Variants in TTLL5 observed in about 807,000 individuals in gnomAD.
TTLL5 encodes tubulin polyglutamylase TTLL5.
In TTLL5, 132 loss-of-function variants were observed where a neutral mutation model predicts 168.4. That is an observed-to-expected ratio of 0.78 (90% CI 0.68 to 0.91). The LOEUF is 0.91. TTLL5 is among the 40% of genes least tolerant of loss of function. The probability of loss-of-function intolerance (pLI) is 0.00; values close to 1 mark genes in which losing one functional copy is unlikely to be tolerated. For missense variants in TTLL5, 1,545 were observed against 1,581.5 expected (o/e 0.98, Z 0.39); for synonymous variants, 546 against 558.6 (o/e 0.98, Z 0.32).
At position 75,868,003 on chromosome 14, in the gene TTLL5, A is replaced by C. The variant is rs140480419; in HGVS notation, c.3522+4141A>C. 3.6e-3 allele frequency among the ~76,000 whole-genome samples: 548 copies of C among 152,308 alleles called. 6 individuals are homozygous for C. The highest frequency in any genetic ancestry group is 0.013 in the African/African-American group (525 of 41,570). On this transcript the variant is annotated intron_variant, in intron 29 of 31. Transcript: ENST00000298832. ...GACTACTGGTGACATCAGCATGAGT[A>C]GCTCTCCATGCTGGGGTCTGTGAGG...
At chr14:75,797,619 A>G (rs762668675) in intron 27 of TTLL5, among the ~76,000 whole-genome samples, 1 of 152,104 alleles carries the variant, frequency 6.6e-6, no homozygotes, top group Non-Finnish European at 1.5e-5. Flanking sequence ...GGTTTTAATC[A>G]TGAAGAGATG....
chr14:75,859,266 T>C (rs951704392), intron 28 of TTLL5, among the ~76,000 whole-genome samples: 5 of 152,216 alleles, frequency 3.3e-5, no homozygotes, highest in African/African-American at 7.2e-5. Context: ...AGCTCTTCAA[T>C]GTTTATTGGC....
At chr14:75,795,600 C>T (rs1262517811) in intron 27 of TTLL5, among the ~76,000 whole-genome samples, 3 of 152,100 alleles carry the variant, frequency 2.0e-5, no homozygotes, top group Admixed American at 1.3e-4. Context: ...CCCAAGTCCC[C>T]AAAGTCCATT....
rs770824903 is a variant in TTLL5, at chr14:75,863,753, A to G, written c.3413A>G (p.Lys1138Arg). 2 of 1,613,714 alleles carry G rather than the reference A, an allele frequency of 1.2e-6. No individual in the cohort carries two copies. Among genetic ancestry groups the G allele is most frequent in the African/African-American group, 2.7e-5 (2 of 74,828 alleles). ...SQATGVVPQH[K>R]YHPTAGSYQL... ...GCTACAGGGGTGGTCCCCCAGCACA[A>G]GTATCACCCCACAGCAGGCAGCTAT... Residue 1138 changes from lysine (K) to arginine (R), a missense_variant, in exon 29 of 32, where the codon AAG becomes AGG. Lys to Arg is a conservative substitution (Grantham distance 26, BLOSUM62 2). Coordinates refer to ENST00000298832, the MANE Select transcript of TTLL5 (RefSeq NM_015072.5).
At chr14:75,672,850 C>T (rs1389726895) in intron 3 of TTLL5, among the ~76,000 whole-genome samples, 3 of 152,122 alleles carry the variant, frequency 2.0e-5, no homozygotes, top group Admixed American at 2.0e-4. Context: ...GTAATAATGT[C>T]CCCACTTTCA....
In TTLL5 at chr14:75,815,554, CTT is replaced by C. The variant is rs367890384; in HGVS notation, c.3172-4451_3172-4450del. Among the ~76,000 whole-genome samples the C allele has an allele frequency of 5.3e-5, 8 of 152,240 alleles. No individual in the cohort carries two copies. In the East Asian group the frequency reaches 1.4e-3, roughly 26 times the overall value. The stretch of plus-strand genomic sequence containing the variant: ...AACAAAACTGGCCGAGGATGTTTTT[CTT>C]TGTTTTACTTCTTTAATGTCTTCTG... On this transcript the variant is annotated intron_variant, in intron 27 of 31. Coordinates refer to ENST00000298832, the MANE Select transcript of TTLL5 (RefSeq NM_015072.5).
intron 3 of TTLL5, among the ~76,000 whole-genome samples, chr14:75,673,133 A>T (rs1207362024): frequency 4.6e-5 from 7 of 151,074 alleles, no homozygotes; most frequent in Admixed American, 2.0e-4. Context: ...TTTTGTAGAG[A>T]TGGGGGGGTC....
intron 10 of TTLL5, 47 bp from the exon 11 acceptor site, chr14:75,719,688 G>T (rs375440036): frequency 4.7e-5 from 70 of 1,502,622 alleles, no homozygotes; most frequent in South Asian, 1.6e-4. Flanking sequence ...TGTTATTATA[G>T]CCAAGCCTAG....
intron 31 of TTLL5, among the ~76,000 whole-genome samples, chr14:75,919,617 A>G (rs1322580574): frequency 1.3e-5 from 2 of 152,194 alleles, no homozygotes; most frequent in African/African-American, 4.8e-5. Flanking sequence ...CATCTACACA[A>G]ATATTAACCA....
At chr14:75,828,555 G>A (rs1895369018) in intron 28 of TTLL5, among the ~76,000 whole-genome samples, 1 of 152,106 alleles carries the variant, frequency 6.6e-6, no homozygotes, top group African/African-American at 2.4e-5. Context: ...TAGGCTATTA[G>A]TAGTTGAGTT....
At chr14:75,919,122 A>C (rs1457168206) in intron 31 of TTLL5, among the ~76,000 whole-genome samples, 2 of 144,506 alleles carry the variant, frequency 1.4e-5, no homozygotes, top group Non-Finnish European at 3.0e-5. Flanking sequence ...AATTGCTTCA[A>C]CCAGGGAGTC....
At chr14:75,795,783 C>G (rs1004108986) in intron 27 of TTLL5, among the ~76,000 whole-genome samples, 8 of 152,082 alleles carry the variant, frequency 5.3e-5, no homozygotes, top group Non-Finnish European at 5.9e-5. Context: ...GAGTAGTAGT[C>G]CATGGTGTAT....
rs1228736529 is a variant in TTLL5, at chr14:75,742,471, G to C, written c.1282-2624G>C. Among the ~76,000 whole-genome samples the C allele has an allele frequency of 2.6e-5, 4 of 152,232 alleles. No individual in the cohort carries two copies. The East Asian group carries it at 7.7e-4, about 29-fold the overall frequency. ...AGTGCAATGGGGCAATCTTGGCTCA[G>C]TGCAACTTCCGCTTCCAGGGTCCAA... On this transcript the variant is annotated intron_variant, in intron 15 of 31. Coordinates refer to ENST00000298832, the MANE Select transcript of TTLL5 (RefSeq NM_015072.5).
At chr14:75,878,271 A>T (rs1348475027) in intron 29 of TTLL5, among the ~76,000 whole-genome samples, 1 of 152,222 alleles carries the variant, frequency 6.6e-6, no homozygotes, top group African/African-American at 2.4e-5. Context: ...TTAAGTTAAA[A>T]GGGTTTTTTT....
intron 28 of TTLL5, among the ~76,000 whole-genome samples, chr14:75,829,227 A>G (rs978620891): frequency 6.6e-6 from 1 of 152,232 alleles, no homozygotes; most frequent in African/African-American, 2.4e-5. Flanking sequence ...CAACAGGCTG[A>G]TATTCATCAC....
intron 30 of TTLL5, among the ~76,000 whole-genome samples, chr14:75,890,507 T>A (rs1038899022): frequency 6.6e-6 from 1 of 152,140 alleles, no homozygotes; most frequent in African/African-American, 2.4e-5. Context: ...TGTACAATTT[T>A]AAAAACTAGA....
intron 31 of TTLL5, among the ~76,000 whole-genome samples, chr14:75,947,074 T>C (rs1259035712): frequency 6.6e-6 from 1 of 152,210 alleles, no homozygotes; most frequent in Admixed American, 6.5e-5. Flanking sequence ...GCGCTTGTCT[T>C]CTGAGTGTAG....
intron 31 of TTLL5, among the ~76,000 whole-genome samples, chr14:75,946,411 G>A (rs577949690): frequency 6.6e-6 from 1 of 152,344 alleles, no homozygotes; most frequent in African/African-American, 2.4e-5. Context: ...AAAGTGGAAT[G>A]AGATAGAGAA....
At chr14:75,870,786 T>C (rs1415064236) in intron 29 of TTLL5, among the ~76,000 whole-genome samples, 1 of 151,868 alleles carries the variant, frequency 6.6e-6, no homozygotes, top group Non-Finnish European at 1.5e-5. Context: ...ATTCATATTA[T>C]GCTTGCTTTG....
Sources: allele counts gnomAD v4.1 joint callset (sites outside exome capture counted in the v4.1 genomes callset), GRCh38; gene constraint gnomAD v4.1.1; transcripts MANE v1.5; gene names NCBI Gene and HGNC (gene_info 2026-07-23, HGNC 2026-07-21).